Variants in HAPLN1 observed in about 807,000 individuals in gnomAD.
HAPLN1 encodes hyaluronan and proteoglycan link protein 1.
In HAPLN1, 13 loss-of-function variants were observed where a neutral mutation model predicts 36.5. The ratio of observed to expected loss-of-function variants is 0.36; its 90% CI spans 0.23 to 0.57. The LOEUF (loss-of-function observed/expected upper bound fraction) is 0.57, where lower values mean the gene tolerates loss of function less well. HAPLN1 is among the 20% of genes least tolerant of loss of function. The pLI is 0.83. For synonymous variants in HAPLN1, 202 were observed against 169.8 expected (o/e 1.19, Z -1.48); for missense variants, 407 against 439.7 (o/e 0.93, Z 0.66).
intron 1 of HAPLN1, among the ~76,000 whole-genome samples, chr5:83,720,580 G>A (rs940663856): frequency 9.2e-5 from 14 of 152,148 alleles, no homozygotes; most frequent in East Asian, 1.9e-4. Context: ...TTTAGACTGA[G>A]CCTGTTTATT....
chr5:83,653,519 G>T (rs1012680129), intron 2 of HAPLN1, among the ~76,000 whole-genome samples: 4 of 152,288 alleles, frequency 2.6e-5, no homozygotes, highest in Admixed American at 2.6e-4. Context: ...TCAAAATTTG[G>T]ATGTTAAAAA....
intron 1 of HAPLN1, among the ~76,000 whole-genome samples, chr5:83,710,804 A>T (rs1751763551): frequency 1.3e-5 from 2 of 152,204 alleles, no homozygotes; most frequent in South Asian, 4.1e-4. Flanking sequence ...TACAAAAATT[A>T]GCCAGGTGTG....
intron 1 of HAPLN1, among the ~76,000 whole-genome samples, chr5:83,705,357 T>A (rs1477460076): frequency 8.8e-6 from 1 of 113,802 alleles, no homozygotes; most frequent in African/African-American, 3.5e-5. Context: ...ACCATTACAC[T>A]CCAGCCTGGG....
chr5:83,684,853 T>C (rs1265431692), intron 1 of HAPLN1, among the ~76,000 whole-genome samples: 2 of 152,176 alleles, frequency 1.3e-5, no homozygotes, highest in African/African-American at 4.8e-5. Flanking sequence ...GATATAACTG[T>C]GTACAAAGTA....
chr5:83,662,399 T>G (rs888422786), intron 2 of HAPLN1, among the ~76,000 whole-genome samples: 1 of 152,240 alleles, frequency 6.6e-6, no homozygotes, highest in Non-Finnish European at 1.5e-5. Context: ...CTTAGAGTTG[T>G]CTGCTCTGGT....
intron 2 of HAPLN1, among the ~76,000 whole-genome samples, chr5:83,662,023 C>A (rs1176741383): frequency 6.6e-6 from 1 of 152,146 alleles, no homozygotes; most frequent in Non-Finnish European, 1.5e-5. Flanking sequence ...CGGAAGTTAA[C>A]CATCTTTTAG....
At chr5:83,685,969 T>C (rs1235648621) in intron 1 of HAPLN1, 1 of 152,118 alleles carries the variant, frequency 6.6e-6, no homozygotes, top group African/African-American at 2.4e-5. Flanking sequence ...CTTGCAAGTA[T>C]TTCCACACAA....
chr5:83,659,930 C>T (rs1045840580), intron 2 of HAPLN1, among the ~76,000 whole-genome samples: 1 of 151,930 alleles, frequency 6.6e-6, no homozygotes, highest in Non-Finnish European at 1.5e-5. Context: ...TGCTGTTTTT[C>T]ATCATCTGTG....
At chr5:83,646,029 G>A (rs780792761) in intron 3 of HAPLN1, among the ~76,000 whole-genome samples, 32 of 152,152 alleles carry the variant, frequency 2.1e-4, no homozygotes, top group Admixed American at 3.9e-4. Flanking sequence ...ATTTGATTTT[G>A]CCTAGGAAGG....
At chr5:83,676,384 T>G (rs1750861884) in intron 1 of HAPLN1, among the ~76,000 whole-genome samples, 1 of 152,028 alleles carries the variant, frequency 6.6e-6, no homozygotes, top group South Asian at 2.1e-4. Context: ...TCCAGGGAGG[T>G]GAGAATGGAA....
At chr5:83,694,128 C>A (rs1751339056) in intron 1 of HAPLN1, among the ~76,000 whole-genome samples, 1 of 151,322 alleles carries the variant, frequency 6.6e-6, no homozygotes, top group African/African-American at 2.4e-5. Flanking sequence ...AGGTAGAAAT[C>A]AAAAACAAAA....
rs575180121 is a variant in HAPLN1 at position 83,717,287 on chromosome 5, A to G, written c.-27+3502T>C. Among the ~76,000 whole-genome samples, 12 of 152,292 alleles carry G rather than the reference A, an allele frequency of 7.9e-5. No individual in the cohort carries two copies. In the South Asian group the frequency reaches 2.3e-3, roughly 29 times the overall value. On this transcript the variant is annotated intron_variant, in intron 1 of 4. Transcript: ENST00000274341. ...ATGCTAATTCCAAACAGTACCTCCAATCAGCACAGGTTATAATTTTGTGAT... is the reference window on the plus strand; with the variant it reads ...ATGCTAATTCCAAACAGTACCTCCAGTCAGCACAGGTTATAATTTTGTGAT...
chr5:83,708,545 A>G (rs1053472218), intron 1 of HAPLN1, among the ~76,000 whole-genome samples: 1 of 152,194 alleles, frequency 6.6e-6, no homozygotes, highest in Non-Finnish European at 1.5e-5. Flanking sequence ...GGAACAATAG[A>G]CAATGGGGTC....
intron 1 of HAPLN1, among the ~76,000 whole-genome samples, chr5:83,692,822 G>A (rs1423265463): frequency 1.3e-5 from 2 of 151,820 alleles, no homozygotes; most frequent in Non-Finnish European, 3.0e-5. Flanking sequence ...CAAAATGCAT[G>A]ACAACTGCAT....
At chr5:83,713,271 C>T (rs1404515443) in intron 1 of HAPLN1, among the ~76,000 whole-genome samples, 2 of 152,136 alleles carry the variant, frequency 1.3e-5, no homozygotes, top group African/African-American at 4.8e-5. Flanking sequence ...CACGGAAATA[C>T]CATTTTAATT....
intron 1 of HAPLN1, among the ~76,000 whole-genome samples, chr5:83,714,485 A>G (rs1751872656): frequency 6.6e-6 from 1 of 152,256 alleles, no homozygotes; most frequent in Non-Finnish European, 1.5e-5. Context: ...TTATAAAGCC[A>G]AAGCAGATTT....
At chr5:83,687,738 C>T (rs1310769640) in intron 1 of HAPLN1, among the ~76,000 whole-genome samples, 1 of 152,202 alleles carries the variant, frequency 6.6e-6, no homozygotes, top group Non-Finnish European at 1.5e-5. Context: ...AACATTTTAA[C>T]ATATCCTATT....
At chr5:83,678,933 T>A (rs1750929956) in intron 1 of HAPLN1, among the ~76,000 whole-genome samples, 1 of 152,186 alleles carries the variant, frequency 6.6e-6, no homozygotes, top group Non-Finnish European at 1.5e-5. Flanking sequence ...ATATTTGTTA[T>A]GGAGTTTAAT....
rs755758988 is a variant in HAPLN1 at position 83,652,728 on chromosome 5, T to C, written c.197A>G (p.Asp66Gly). 16 of 1,614,042 alleles carry C rather than the reference T, an allele frequency of 9.9e-6. No homozygotes were observed. The highest frequency in any genetic ancestry group is 1.2e-5 in the Non-Finnish European group (14 of 1,179,982). Residue 66 changes from aspartate (D) to glycine (G), a missense_variant, in exon 3 of 5, where the codon GAC becomes GGC. Transcript: ENST00000274341. The stretch of plus-strand genomic sequence containing the variant: ...GATTCCTGAGCCAAATGCTGTAGGG[T>C]CTCGATAAAATTTACATGGCAGTGT... Reference protein sequence around the residue: ...NVTLPCKFYRDPTAFGSGIHK... With the variant: ...NVTLPCKFYRGPTAFGSGIHK...
Sources: gnomAD v4.1 joint callset for allele counts (sites outside exome capture counted in the v4.1 genomes callset) on GRCh38, gnomAD v4.1.1 for gene constraint, MANE v1.5 for transcripts, NCBI Gene and HGNC (gene_info 2026-07-23, HGNC 2026-07-21) for gene names.